Variants in TMPRSS3 observed in about 807,000 individuals in gnomAD.
The protein encoded by TMPRSS3 is transmembrane protease serine 3.
TMPRSS3 carries 55 observed loss-of-function variants against 59.6 expected under a neutral mutation model. The observed-to-expected ratio is 0.92, with a 90% confidence interval of 0.74 to 1.16. TMPRSS3 has a LOEUF of 1.16. TMPRSS3 is among the 50% of genes most tolerant of loss of function. The pLI is 0.00. For missense variants in TMPRSS3, 596 were observed against 579.4 expected (o/e 1.03, Z -0.29); for synonymous variants, 257 against 237.7 (o/e 1.08, Z -0.75).
chr21:42,388,591 G>T lies in TMPRSS3; in HGVS notation c.323-65C>A. 6.2e-7 allele frequency: 1 copy of T among 1,611,980 alleles called. No homozygotes were observed. ...TGGAACCCTGAGACCATAGGCAGGG[G>T]TTTCTCCACAGCCAGCTCAAACCCC... On this transcript the variant is annotated intron_variant, in intron 4 of 12. Coordinates refer to ENST00000644384, the MANE Select transcript of TMPRSS3 (RefSeq NM_001256317.3). This position sits in a 1 kb window ranked among gnomAD's most constrained non-coding sequence, Gnocchi z 5.1.
At position 42,376,651 on chromosome 21, in the gene TMPRSS3, C is replaced by T. The variant is rs767728685; in HGVS notation, c.1081G>A (p.Val361Ile). 1.4e-5 allele frequency: 23 copies of T among 1,614,074 alleles called. No homozygotes were observed. The highest frequency in any genetic ancestry group is 7.7e-5 in the South Asian group (7 of 91,076). Residue 361 changes from valine to isoleucine, a missense_variant, in exon 11 of 13, where the codon GTC becomes ATC. Val to Ile is a conservative substitution (Grantham distance 29). Coordinates refer to ENST00000644384, the MANE Select transcript of TMPRSS3 (RefSeq NM_001256317.3). ...DASPVLNHAA[V>I]PLISNKICNH... ...CAGATCTTGTTGGAAATCAAAGGGA[C>T]GGCCGCGTGGTTCAGGACAGGGGAG...
At chr21:42,377,365 C>G (rs2052448692) in intron 10 of TMPRSS3, among the ~76,000 whole-genome samples, 1 of 152,118 alleles carries the variant, frequency 6.6e-6, no homozygotes, top group East Asian at 1.9e-4. Context: ...CCCGGAAGAC[C>G]AAGGAGGGGC....
intron 9 of TMPRSS3, chr21:42,381,855 A>G: frequency 2.8e-6 from 2 of 714,208 alleles, no homozygotes; most frequent in East Asian, 2.7e-5. Flanking sequence ...ACAATTGAAA[A>G]TCACTTGTCA....
chr21:42,379,907 C>A (rs776793963), intron 10 of TMPRSS3, among the ~76,000 whole-genome samples: 16 of 152,186 alleles, frequency 1.1e-4, no homozygotes, highest in Non-Finnish European at 2.1e-4. Flanking sequence ...AGAAGGTCTG[C>A]AGGGTCATGT....
At chr21:42,382,280 A>C (rs753907419) in intron 8 of TMPRSS3, 46 bp from the exon 9 acceptor site, 2 of 1,562,282 alleles carry the variant, frequency 1.3e-6, no homozygotes, top group South Asian at 2.2e-5. Context: ...AAGTCCAACC[A>C]CTGAACTCAT....
intron 2 of TMPRSS3, among the ~76,000 whole-genome samples, chr21:42,392,898 G>A (rs1234644470): frequency 6.6e-6 from 1 of 152,232 alleles, no homozygotes; most frequent in African/African-American, 2.4e-5. Context: ...TCTCTGTCAG[G>A]CTGCCCTGAG....
chr21:42,393,652 T>C (rs1029008207), intron 2 of TMPRSS3, among the ~76,000 whole-genome samples: 3 of 152,156 alleles, frequency 2.0e-5, no homozygotes, highest in African/African-American at 7.2e-5. Flanking sequence ...CAAGATGATA[T>C]AGAAAACGGT....
chr21:42,384,577 T>C (rs2052592456), intron 6 of TMPRSS3, among the ~76,000 whole-genome samples: 1 of 152,240 alleles, frequency 6.6e-6, no homozygotes, highest in Non-Finnish European at 1.5e-5. Flanking sequence ...AAAATCTTTG[T>C]AATGTTTTCT....
chr21:42,383,454 A>G, intron 7 of TMPRSS3: 2 of 582,534 alleles, frequency 3.4e-6, no homozygotes, highest in Non-Finnish European at 6.2e-6. Context: ...AGTGCCCAGC[A>G]TTGGCAGCAC....
At chr21:42,377,163 A>G (rs1051083720) in intron 10 of TMPRSS3, among the ~76,000 whole-genome samples, 1 of 152,214 alleles carries the variant, frequency 6.6e-6, no homozygotes, top group Non-Finnish European at 1.5e-5. Context: ...TGACTGTGTC[A>G]CCTTACAGGG....
At chr21:42,394,268 A>G (rs1050269952) in intron 2 of TMPRSS3, among the ~76,000 whole-genome samples, 13 of 152,108 alleles carry the variant, frequency 8.5e-5, no homozygotes, top group African/African-American at 2.9e-4. Context: ...ATTAGGAACA[A>G]CTATAGGTCA....
intron 3 of TMPRSS3, 96 bp downstream of exon 3, chr21:42,389,831 G>A: frequency 7.4e-6 from 7 of 948,318 alleles, no homozygotes; most frequent in Middle Eastern, 2.1e-4. Context: ...TTAAGGCTGG[G>A]CAGCAGCAAA....
At chr21:42,385,371 G>T (rs373318467) in intron 6 of TMPRSS3, 38 bp downstream of exon 6, 4 of 1,612,810 alleles carry the variant, frequency 2.5e-6, no homozygotes, top group Non-Finnish European at 3.4e-6. Flanking sequence ...CAGGTGACTC[G>T]ATACCTGTGC....
rs775213790 is a variant in TMPRSS3 at position 42,395,445 on chromosome 21, C to T, written c.-28G>A. ...TGACTATTTCAGGACCTCTGACATC[C>T]GGCTCCGCCTCCACCTCTACCTCCT... is the stretch of plus-strand genomic sequence containing the variant. On this transcript the variant is annotated 5_prime_UTR_variant, in exon 2 of 13. Transcript: ENST00000644384. 34 of 1,587,646 alleles carry T rather than the reference C, an allele frequency of 2.1e-5. No homozygotes were observed. The East Asian group carries it at 5.1e-4, about 24-fold the overall frequency.
intron 12 of TMPRSS3, among the ~76,000 whole-genome samples, chr21:42,374,504 A>G (rs771361400): frequency 9.2e-5 from 14 of 152,352 alleles, no homozygotes; most frequent in East Asian, 1.9e-4. Context: ...ATTGTTTCAA[A>G]TTAAATGAGC....
chr21:42,382,067 T>C lies in TMPRSS3; in HGVS notation c.950A>G (p.Asn317Ser), dbSNP rs550255214. ...ACCACATAGAGACCCAGATGTACCA[T>C]TGAACGTGAGTGGCCCGGCCAGCTT... is the stretch of plus-strand genomic sequence containing the variant. ...LMKLAGPLTF[N>S]EMIQPVCLPN... Residue 317 changes from asparagine (N) to serine (S), a missense_variant and splice_region_variant, in exon 9 of 13, where the codon AAT becomes AGT. Physicochemically the swap from Asn to Ser is conservative, Grantham distance 46. Coordinates refer to ENST00000644384, the MANE Select transcript of TMPRSS3 (RefSeq NM_001256317.3). 4.3e-6 allele frequency: 7 copies of C among 1,614,226 alleles called. No individual in the cohort carries two copies. Among genetic ancestry groups the C allele is most frequent in the East Asian group, 2.2e-5 (1 of 44,886 alleles).
rs35447393 is a variant in TMPRSS3 at position 42,371,985 on chromosome 21, C to A, written c.*777G>T. The A allele has an allele frequency of 0.012, 5,230 of 454,578 alleles. 63 individuals carry two copies. The highest frequency in any genetic ancestry group is 0.019 in the Non-Finnish European group (4,350 of 226,784). The allele number at this position is 454,578 out of a possible 1,614,324, so 28.2% of individuals were successfully genotyped here. On this transcript the variant is annotated 3_prime_UTR_variant, in exon 13 of 13. Transcript: ENST00000644384. ...TCATGAAAATAGGCCTTAAACGAGT[C>A]ATTCCTAGATTAACCTCCCCACATG...
At chr21:42,394,607 T>C (rs1239374854) in intron 2 of TMPRSS3, among the ~76,000 whole-genome samples, 1 of 152,162 alleles carries the variant, frequency 6.6e-6, no homozygotes, top group Non-Finnish European at 1.5e-5. Context: ...CCAAGCCAAT[T>C]TTCCAGTTGG....
chr21:42,389,778 A>G, intron 3 of TMPRSS3, 149 bp downstream of exon 3: 1 of 694,298 alleles, frequency 1.4e-6, no homozygotes, highest in South Asian at 1.6e-5. Context: ...TGGGCAAATA[A>G]AACTTCAAGT....
Sources: allele counts gnomAD v4.1 joint callset (sites outside exome capture counted in the v4.1 genomes callset), GRCh38; gene constraint gnomAD v4.1.1; non-coding constraint Gnocchi (gnomAD v3.1); transcripts MANE v1.5; gene names NCBI Gene and HGNC (gene_info 2026-07-23, HGNC 2026-07-21).